The following NDST4 variants were observed in gnomAD, a reference collection of about 807,000 sequenced individuals.
NDST4 encodes N-heparan sulfate sulfotransferase 4.
NDST4 carries 63 observed loss-of-function variants against 100.8 expected under a neutral mutation model. That is an observed-to-expected ratio of 0.62 (90% CI 0.51 to 0.77). NDST4 has a LOEUF of 0.77. NDST4 is among the 30% of genes least tolerant of loss of function. The pLI is 0.00. For missense variants in NDST4, 943 were observed against 1,018.4 expected (o/e 0.93, Z 1.01); for synonymous variants, 377 against 361.8 (o/e 1.04, Z -0.48).
intron 2 of NDST4, among the ~76,000 whole-genome samples, chr4:115,037,484 A>C (rs1396804452): frequency 6.6e-6 from 1 of 152,130 alleles, no homozygotes; most frequent in Admixed American, 6.6e-5. Flanking sequence ...TTCTGTCTAT[A>C]CATCACACAA....
chr4:115,015,671 G>A (rs1727661012), intron 2 of NDST4, among the ~76,000 whole-genome samples: 1 of 152,078 alleles, frequency 6.6e-6, no homozygotes, highest in East Asian at 1.9e-4. Context: ...TAATAACCAA[G>A]TAGATAGTAC....
intron 6 of NDST4, among the ~76,000 whole-genome samples, chr4:114,897,692 C>A (rs7679194): frequency 0.049 from 7,489 of 152,224 alleles, 577 homozygotes; most frequent in African/African-American, 0.17. Context: ...CCATTCCCAC[C>A]AGCAATGAAT....
chr4:115,063,041 AT>A (rs1728857690), intron 2 of NDST4, among the ~76,000 whole-genome samples: 1 of 151,992 alleles, frequency 6.6e-6, no homozygotes, highest in Non-Finnish European at 1.5e-5. Context: ...AATTCAGGAT[AT>A]GTGTTGCCTC....
intron 2 of NDST4, among the ~76,000 whole-genome samples, chr4:115,013,961 GC>G (rs1424290977): frequency 6.6e-6 from 1 of 151,962 alleles, no homozygotes; most frequent in Non-Finnish European, 1.5e-5. Context: ...AGACTATTTG[GC>G]CTGTGCAAAA....
chr4:114,983,377 C>A (rs559232796), intron 2 of NDST4, among the ~76,000 whole-genome samples: 1 of 152,340 alleles, frequency 6.6e-6, no homozygotes, highest in East Asian at 1.9e-4. Flanking sequence ...CCTTGGGAGT[C>A]CACCCCTTGA....
intron 4 of NDST4, among the ~76,000 whole-genome samples, chr4:114,940,674 G>T (rs141626650): frequency 5.3e-5 from 8 of 152,176 alleles, no homozygotes; most frequent in Non-Finnish European, 8.8e-5. Flanking sequence ...ACAGCCTTTT[G>T]CACCCGCCCT....
At chr4:114,850,799 G>A (rs1006415583) in intron 8 of NDST4, among the ~76,000 whole-genome samples, 1 of 152,128 alleles carries the variant, frequency 6.6e-6, no homozygotes, top group African/African-American at 2.4e-5. Flanking sequence ...GTAACCCTAT[G>A]AGAATCCTCT....
chr4:114,965,171 G>GT lies in NDST4; in HGVS notation c.1221+5258dup, dbSNP rs1020387548. 9.2e-5 allele frequency among the ~76,000 whole-genome samples: 14 copies of GT among 151,940 alleles called. 1 individual carries two copies. In the East Asian group the frequency reaches 9.7e-4, roughly 10 times the overall value. ...TTAAATACCCTATAAGTTATTATCA[G>GT]TTTTTTTCTGCATTTGTGGCATAAT... On this transcript the variant is annotated intron_variant, in intron 4 of 13. Coordinates refer to ENST00000264363, the MANE Select transcript of NDST4 (RefSeq NM_022569.3).
At chr4:115,021,968 C>A (rs1332247832) in intron 2 of NDST4, among the ~76,000 whole-genome samples, 1 of 152,034 alleles carries the variant, frequency 6.6e-6, no homozygotes, top group South Asian at 2.1e-4. Context: ...TATGCACATT[C>A]CATATATATG....
rs1248938193 is a variant in NDST4 at position 114,847,133 on chromosome 4, T to A, written c.1940+1082A>T. ...GGCTCACGCCTGTAATCCCAGCACTTTGGGAGGCCGAGGCGGGCGGATCAC... is the reference window on the plus strand; with the variant it reads ...GGCTCACGCCTGTAATCCCAGCACTATGGGAGGCCGAGGCGGGCGGATCAC... On this transcript the variant is annotated intron_variant, in intron 9 of 13. Coordinates refer to ENST00000264363, the MANE Select transcript of NDST4 (RefSeq NM_022569.3). Among the ~76,000 whole-genome samples, 2 of 147,428 alleles carry A rather than the reference T, an allele frequency of 1.4e-5. 1 individual carries two copies. Among genetic ancestry groups the A allele is most frequent in the African/African-American group, 5.3e-5 (2 of 37,572 alleles).
chr4:114,885,629 G>A (rs1054007584), intron 6 of NDST4, among the ~76,000 whole-genome samples: 10 of 152,032 alleles, frequency 6.6e-5, no homozygotes, highest in African/African-American at 2.4e-4. Flanking sequence ...TTGACAAAAA[G>A]TTAAATGTTT....
intron 1 of NDST4, among the ~76,000 whole-genome samples, chr4:115,079,309 A>G (rs1037499425): frequency 2.0e-5 from 3 of 151,404 alleles, no homozygotes; most frequent in African/African-American, 4.9e-5. Flanking sequence ...CTGAGATCAC[A>G]CAACTGCATG....
At chr4:115,071,467 T>C (rs1729077091) in intron 2 of NDST4, among the ~76,000 whole-genome samples, 1 of 152,164 alleles carries the variant, frequency 6.6e-6, no homozygotes, top group African/African-American at 2.4e-5. Flanking sequence ...ACTCTTGCTT[T>C]CCTTAATTTG....
chr4:115,022,705 A>G (rs1279500430), intron 2 of NDST4, among the ~76,000 whole-genome samples: 1 of 152,052 alleles, frequency 6.6e-6, no homozygotes, highest in East Asian at 1.9e-4. Context: ...CCCACATATC[A>G]TGGGAGGAAC....
At chr4:115,006,127 AG>A (rs1727412265) in intron 2 of NDST4, among the ~76,000 whole-genome samples, 1 of 151,944 alleles carries the variant, frequency 6.6e-6, no homozygotes, top group African/African-American at 2.4e-5. Flanking sequence ...AAGAAAAAAA[AG>A]AAATAAATAG....
intron 1 of NDST4, among the ~76,000 whole-genome samples, chr4:115,095,702 A>G (rs1729605377): frequency 6.6e-6 from 1 of 152,126 alleles, no homozygotes; most frequent in South Asian, 2.1e-4. Flanking sequence ...AGTACTCATG[A>G]ATAATTATTG....
chr4:114,858,569 C>T (rs939606068), intron 7 of NDST4, among the ~76,000 whole-genome samples: 3 of 152,174 alleles, frequency 2.0e-5, no homozygotes, highest in African/African-American at 7.2e-5. Context: ...CGCATTAAAT[C>T]ATAAACTATT....
intron 6 of NDST4, among the ~76,000 whole-genome samples, chr4:114,904,870 T>C (rs1724917237): frequency 6.6e-6 from 1 of 152,084 alleles, no homozygotes; most frequent in African/African-American, 2.4e-5. Context: ...TTTTGTGACA[T>C]TGTTATTCTT....
intron 1 of NDST4, among the ~76,000 whole-genome samples, chr4:115,089,233 G>A (rs922423605): frequency 1.7e-4 from 26 of 151,798 alleles, no homozygotes; most frequent in Non-Finnish European, 2.8e-4. Context: ...GATATAAAAT[G>A]GTTTATATTT....
Sources: gnomAD v4.1 joint callset for allele counts (sites outside exome capture counted in the v4.1 genomes callset) on GRCh38, gnomAD v4.1.1 for gene constraint, MANE v1.5 for transcripts, NCBI Gene and HGNC (gene_info 2026-07-23, HGNC 2026-07-21) for gene names.